The following TASOR2 variants were observed in gnomAD, a reference collection of about 807,000 sequenced individuals.
The protein encoded by TASOR2 is protein TASOR 2.
A neutral mutation model predicts 199.5 loss-of-function variants in TASOR2; 84 were observed. That is an observed-to-expected ratio of 0.42 (90% confidence interval 0.35 to 0.50). TASOR2 has a LOEUF of 0.50. TASOR2 is among the 20% of genes least tolerant of loss of function. TASOR2 has a pLI of 0.02. For synonymous variants in TASOR2, 1,103 were observed against 1,046.6 expected (o/e 1.05, Z -1.04); for missense variants, 2,796 against 2,835.9 (o/e 0.99, Z 0.32).
At chr10:5,707,600 A>C (rs1043972348) in intron 1 of TASOR2, among the ~76,000 whole-genome samples, 3 of 151,980 alleles carry the variant, frequency 2.0e-5, no homozygotes, top group African/African-American at 7.3e-5. Flanking sequence ...AACACTATTC[A>C]AAGGGAGTGG....
intron 1 of TASOR2, among the ~76,000 whole-genome samples, chr10:5,693,835 A>T (rs1836794144): frequency 6.6e-6 from 1 of 152,370 alleles, no homozygotes; most frequent in East Asian, 1.9e-4. Flanking sequence ...ATATTTGATT[A>T]TCTACTGTGG....
At chr10:5,723,464 AT>A (rs529412279) in intron 6 of TASOR2, among the ~76,000 whole-genome samples, 97 of 152,304 alleles carry the variant, frequency 6.4e-4, no homozygotes, top group Non-Finnish European at 1.2e-3. Flanking sequence ...TATTGAGAAG[AT>A]GTGAACATAT....
chr10:5,749,370 A>C (rs1490810499), exon 15 of TASOR2: 2 of 1,614,260 alleles, frequency 1.2e-6, no homozygotes, highest in East Asian at 2.2e-5. Flanking sequence ...TGCGTTTTGC[A>C]CATAAACTAA....
chr10:5,755,142 T>C (rs1003687955), intron 15 of TASOR2, among the ~76,000 whole-genome samples: 1 of 152,084 alleles, frequency 6.6e-6, no homozygotes, highest in Admixed American at 6.6e-5. Context: ...TTCAAATAAT[T>C]TGTTAGTCAA....
rs983058246 is a variant in TASOR2, at chr10:5,752,654, A to T, written c.6606+2627A>T. 6.6e-6 allele frequency among the ~76,000 whole-genome samples: 1 copy of T among 152,246 alleles called. No homozygotes were observed. Among genetic ancestry groups the T allele is most frequent in the African/African-American group, 2.4e-5 (1 of 41,468 alleles). On this transcript the variant is annotated intron_variant, in intron 15 of 20. Transcript: ENST00000328090. This position sits in a 1 kb window ranked among gnomAD's most constrained non-coding sequence, Gnocchi z 4.4. ...AGTGTCCCCTGGGTGCAGGGTCACA[A>T]GACCACTTCTCATCTGGAGTACTAA...
chr10:5,709,694 A>C, intron 1 of TASOR2: 1 of 1,225,988 alleles, frequency 8.2e-7, no homozygotes, highest in South Asian at 4.1e-5. Context: ...TATAAGTCAT[A>C]ACTAATGAAT....
intron 2 of TASOR2, 82 bp downstream of exon 3, chr10:5,714,289 A>G (rs1832321211): frequency 1.2e-6 from 1 of 847,524 alleles, no homozygotes; most frequent in Admixed American, 4.3e-5. Flanking sequence ...TTTATAAGAT[A>G]TGTATATTAA....
Position 5,748,405 on chromosome 10 carries a change from T to G in TASOR2, c.4984T>G (p.Ser1662Ala), listed in dbSNP as rs559598291. ...AGTGGTCCCCACGCTTTGTTCTTCC[T>G]CAGACAATGCTACATTAACCCATTA... Residue 1662 changes from serine (S) to alanine (A), a missense_variant, in exon 15 of 21, where the codon TCA (serine) becomes GCA (alanine). Ser to Ala is a moderately conservative substitution (Grantham distance 99). Transcript: ENST00000328090. The surrounding 1 kb of genome is among the most constrained non-coding windows in gnomAD (Gnocchi z 5.1). 1 of 1,614,194 alleles carries G rather than the reference T, an allele frequency of 6.2e-7. No homozygotes were observed. The highest frequency in any genetic ancestry group is 1.1e-5 in the South Asian group (1 of 91,088).
rs1254520969 is a variant in TASOR2, at chr10:5,735,174, T to C, written c.1205-130T>C. 3.7e-6 allele frequency: 4 copies of C among 1,071,706 alleles called. No individual in the cohort carries two copies. The African/African-American group carries it at 6.4e-5, about 17-fold the overall frequency. The allele number at this position is 1,071,706 out of a possible 1,614,324, so 66.4% of individuals were successfully genotyped here. The stretch of plus-strand genomic sequence containing the variant: ...AATCTTTTAATTAAATACCTGAAAC[T>C]TCATAGTTTATTCCCCATTACTAAA... On this transcript the variant is annotated intron_variant, in intron 11 of 20. Transcript: ENST00000328090.
In TASOR2 at chr10:5,742,916, C is replaced by A. The variant is rs546187255; in HGVS notation, c.2757+390C>A. ...TAAATCTTAGATATACTTTGATAAA[C>A]CTTAAAGTAAACTAAAATTAATTGT... On this transcript the variant is annotated intron_variant, in intron 14 of 20. Coordinates refer to ENST00000328090, the Ensembl canonical transcript of TASOR2. The surrounding 1 kb of genome is among the most constrained non-coding windows in gnomAD (Gnocchi z 4.2). 6.6e-6 allele frequency among the ~76,000 whole-genome samples: 1 copy of A among 151,984 alleles called. No individual in the cohort carries two copies. The highest frequency in any genetic ancestry group is 1.9e-4 in the East Asian group (1 of 5,176).
In TASOR2 at chr10:5,731,205, T is replaced by G; in HGVS notation, c.1204+2T>G. ...AGTTTCCTCAGAAAAGAAAAAGAGG[T>G]AAGCACGATTTATTTATGTGGGTTA... On this transcript the variant is annotated splice_donor_variant, in intron 11 of 20. Coordinates refer to ENST00000328090, the Ensembl canonical transcript of TASOR2. LOFTEE classifies it high-confidence loss of function. The G allele has an allele frequency of 6.3e-7, 1 of 1,597,966 alleles. No individual in the cohort carries two copies. The highest frequency in any genetic ancestry group is 8.5e-7 in the Non-Finnish European group (1 of 1,178,200).
chr10:5,720,967 A>G lies in TASOR2; in HGVS notation c.143A>G (p.Gln48Arg), dbSNP rs375393916. ...ACTTACGGTGCAATGATTCCAACAC[A>G]GCTGTAAGTATTAAATGTTATGTCC... The change falls in exon 6 of 21, where the codon CAG (glutamine) becomes CGG (arginine). Residue 48 changes from glutamine to arginine, a missense_variant. Coordinates refer to ENST00000328090, the Ensembl canonical transcript of TASOR2. This position sits in a 1 kb window ranked among gnomAD's most constrained non-coding sequence, Gnocchi z 5.3. The G allele has an allele frequency of 6.2e-7, 1 of 1,609,026 alleles. No homozygotes were observed. Among genetic ancestry groups the G allele is most frequent in the Non-Finnish European group, 8.5e-7 (1 of 1,176,980 alleles).
rs1306804626 is a variant in TASOR2, at chr10:5,722,617, T to C, written c.147-1060T>C. The stretch of plus-strand genomic sequence containing the variant: ...CAAAGCAAACATGGTATACTGTTAA[T>C]ATTTGGGAAATCTGGATGAAGGGTA... On this transcript the variant is annotated intron_variant, in intron 6 of 20. Transcript: ENST00000328090. The surrounding 1 kb of genome is among the most constrained non-coding windows in gnomAD (Gnocchi z 4.0). Among the ~76,000 whole-genome samples the C allele has an allele frequency of 6.6e-6, 1 of 152,212 alleles. No individual in the cohort carries two copies. Among genetic ancestry groups the C allele is most frequent in the East Asian group, 1.9e-4 (1 of 5,204 alleles).
intron 14 of TASOR2, among the ~76,000 whole-genome samples, 199 bp from the exon 16 acceptor site, chr10:5,745,980 G>C (rs933055823): frequency 1.3e-5 from 2 of 152,078 alleles, no homozygotes; most frequent in African/African-American, 2.4e-5. Flanking sequence ...AATCCCACTG[G>C]GGGGTATTTT....
chr10:5,686,333 G>A (rs1835814666), intron 1 of TASOR2, among the ~76,000 whole-genome samples: 1 of 152,170 alleles, frequency 6.6e-6, no homozygotes, highest in Non-Finnish European at 1.5e-5. Context: ...TCGGTGAAGT[G>A]CCTAAGAACT....
At chr10:5,723,648 C>A in intron 6 of TASOR2, 29 bp from the exon 8 acceptor site, 3 of 1,342,046 alleles carry the variant, frequency 2.2e-6, no homozygotes, top group East Asian at 2.6e-5. Context: ...GTTTATTATT[C>A]TGCTTGATAC....
At chr10:5,718,946 GC>G (rs1318568449) in intron 3 of TASOR2, among the ~76,000 whole-genome samples, 1 of 152,094 alleles carries the variant, frequency 6.6e-6, no homozygotes, top group Non-Finnish European at 1.5e-5. Flanking sequence ...CTTGCCACTA[GC>G]TGGAGATTGC....
intron 17 of TASOR2, 50 bp from the exon 19 acceptor site, chr10:5,758,835 CAA>C: frequency 6.4e-6 from 9 of 1,411,318 alleles, no homozygotes; most frequent in Non-Finnish European, 9.0e-6. Flanking sequence ...TGGCATGAGC[CAA>C]AAGTACCTTA....
intron 1 of TASOR2, among the ~76,000 whole-genome samples, chr10:5,686,807 T>G (rs1199352679): frequency 6.6e-6 from 1 of 152,260 alleles, no homozygotes; most frequent in Non-Finnish European, 1.5e-5. Context: ...GATGTTTTTA[T>G]TGAGTCTGAG....
Sources: gnomAD v4.1 joint callset for allele counts (sites outside exome capture counted in the v4.1 genomes callset) on GRCh38, gnomAD v4.1.1 for gene constraint, Gnocchi (gnomAD v3.1) non-coding constraint, MANE v1.5 for transcripts, NCBI Gene and HGNC (gene_info 2026-07-23, HGNC 2026-07-21) for gene names.